The following DCP2 variants were observed in gnomAD, a reference collection of about 807,000 sequenced individuals.
DCP2 encodes decapping mRNA 2, also known as m7GpppN-mRNA hydrolase.
DCP2 carries 30 observed loss-of-function variants against 56.1 expected under a neutral mutation model. That is an observed-to-expected ratio of 0.53 (90% CI 0.40 to 0.73). DCP2 has a LOEUF of 0.73. Among genes scored for constraint, DCP2 ranks in the 30% least tolerant of loss-of-function variants. DCP2 has a pLI of 0.00. For synonymous variants in DCP2, 197 were observed against 163.3 expected (o/e 1.21, Z -1.57); for missense variants, 533 against 502.7 (o/e 1.06, Z -0.58).
chr5:113,013,399 G>C lies in DCP2; in HGVS notation c.1178G>C (p.Gly393Ala). Residue 393 changes from glycine (G) to alanine (A), a missense_variant, in exon 11 of 11, where the codon GGA becomes GCA. Transcript: ENST00000389063. ...HAEGQPVACN[G>A]HCKFPFSSRA... is the part of the protein sequence containing the mutation. Reference sequence around the variant, plus strand: ...GAGGGACAGCCCGTGGCATGTAATGGACATTGCAAGTTCCCCTTTTCATCC... The same window carrying C: ...GAGGGACAGCCCGTGGCATGTAATGCACATTGCAAGTTCCCCTTTTCATCC... 1 of 1,614,146 alleles carries C rather than the reference G, an allele frequency of 6.2e-7. No individual in the cohort carries two copies.
chr5:113,011,942 C>T (rs1348035682), intron 10 of DCP2, among the ~76,000 whole-genome samples: 1 of 152,154 alleles, frequency 6.6e-6, no homozygotes, highest in East Asian at 1.9e-4. Context: ...GTTTTCCCAG[C>T]ACCATTTATT....
Position 113,015,825 on chromosome 5 carries a change from G to A in DCP2, c.*2341G>A, listed in dbSNP as rs1749862996. 6.6e-6 allele frequency: 1 copy of A among 152,602 alleles called. No individual in the cohort carries two copies. Among genetic ancestry groups the A allele is most frequent in the Admixed American group, 6.5e-5 (1 of 15,290 alleles). 9.5% of individuals were successfully genotyped at this position (152,602 alleles called of 1,614,324 possible). The stretch of plus-strand genomic sequence containing the variant: ...CAGTGTTCAGGTTACCTTGAGAAAG[G>A]CCATGCTTAGCGAACTGGATTTCTC... On this transcript the variant is annotated 3_prime_UTR_variant, in exon 11 of 11. Transcript: ENST00000389063.
At chr5:113,000,587 A>C (rs1749131298) in intron 4 of DCP2, among the ~76,000 whole-genome samples, 1 of 152,194 alleles carries the variant, frequency 6.6e-6, no homozygotes, top group South Asian at 2.1e-4. Context: ...AACATTATTA[A>C]GCTCTATCTC....
intron 8 of DCP2, among the ~76,000 whole-genome samples, chr5:113,007,154 GTTATT>G (rs1347528398): frequency 6.6e-6 from 1 of 151,848 alleles, no homozygotes; most frequent in Non-Finnish European, 1.5e-5. Context: ...AGTAATCTTT[GTTATT>G]TTGTAAAAAT....
intron 1 of DCP2, among the ~76,000 whole-genome samples, chr5:112,983,549 T>C (rs1297152143): frequency 6.6e-6 from 1 of 152,160 alleles, no homozygotes; most frequent in East Asian, 1.9e-4. Flanking sequence ...CACAGTAGGA[T>C]TGACTTACGA....
chr5:112,985,486 A>G (rs1383067594), intron 1 of DCP2, among the ~76,000 whole-genome samples: 4 of 152,226 alleles, frequency 2.6e-5, no homozygotes, highest in Admixed American at 2.6e-4. Context: ...TTAAAATTGT[A>G]TGAATATATT....
At chr5:112,999,570 C>G (rs1334831932) in intron 4 of DCP2, among the ~76,000 whole-genome samples, 1 of 151,532 alleles carries the variant, frequency 6.6e-6, no homozygotes. Flanking sequence ...TGGTGATTAG[C>G]CTGCCTTGGC....
chr5:112,986,254 T>A (rs1363352649), intron 2 of DCP2, among the ~76,000 whole-genome samples: 1 of 152,180 alleles, frequency 6.6e-6, no homozygotes, highest in East Asian at 1.9e-4. Flanking sequence ...GCTAGCCTGT[T>A]TGTACAACTT....
chr5:112,994,176 T>C (rs886350099), intron 4 of DCP2, among the ~76,000 whole-genome samples: 1 of 145,584 alleles, frequency 6.9e-6, no homozygotes, highest in African/African-American at 2.5e-5. Context: ...TTTTTTTTTT[T>C]TTTTTTTTTT....
chr5:113,002,454 G>GTATTATCTC (rs975858317), intron 7 of DCP2, among the ~76,000 whole-genome samples: 7 of 151,664 alleles, frequency 4.6e-5, no homozygotes, highest in African/African-American at 1.7e-4. Context: ...GTCAGAGATT[G>GTATTATCTC]TGTATTATCA....
At chr5:112,999,620 C>T (rs1224271366) in intron 4 of DCP2, among the ~76,000 whole-genome samples, 1 of 150,802 alleles carries the variant, frequency 6.6e-6, no homozygotes, top group African/African-American at 2.5e-5. Flanking sequence ...AGCCATCGCA[C>T]CCAGCCTTTT....
In DCP2 at chr5:112,992,253, G is replaced by A. The variant is rs752569319; in HGVS notation, c.333+5G>A. The A allele has an allele frequency of 6.2e-7, 1 of 1,606,432 alleles. No individual in the cohort carries two copies. Among genetic ancestry groups the A allele is most frequent in the Non-Finnish European group, 8.5e-7 (1 of 1,177,642 alleles). On this transcript the variant is annotated splice_donor_5th_base_variant and intron_variant, in intron 3 of 10. Transcript: ENST00000389063. Reference sequence around the variant, plus strand: ...CTTGATGAGACACTTGAAAATGTGAGTGTAATGAAATAAAGATTTTTAGTG... The same window carrying A: ...CTTGATGAGACACTTGAAAATGTGAATGTAATGAAATAAAGATTTTTAGTG...
chr5:112,985,855 C>A lies in DCP2; in HGVS notation c.74C>A (p.Pro25His). Residue 25 changes from proline (P) to histidine (H), a missense_variant, in exon 2 of 11, where the codon CCC becomes CAC. Around this residue, in one of 3 missense-constraint regions of DCP2, gnomAD observed 137 missense variants for 138.2 expected, o/e 0.99. Transcript: ENST00000389063. ...GACAGCCGATTTATTTTGCATATTC[C>A]CAGCGAGGAAAGAGACAATGCAATC... is the stretch of plus-strand genomic sequence containing the variant. The part of the protein sequence containing the change: ...DLCSRFILHI[P>H]SEERDNAIRV... The A allele has an allele frequency of 6.2e-7, 1 of 1,603,986 alleles. No individual in the cohort carries two copies. Among genetic ancestry groups the A allele is most frequent in the Non-Finnish European group, 8.5e-7 (1 of 1,171,908 alleles).
intron 7 of DCP2, among the ~76,000 whole-genome samples, chr5:113,003,220 T>G (rs548964992): frequency 3.3e-4 from 50 of 152,280 alleles, no homozygotes; most frequent in South Asian, 1.2e-3. Context: ...GTGCTGGGAG[T>G]ATAGGTGTGA....
Position 113,001,318 on chromosome 5 carries a change from A to C in DCP2, c.586-39A>C, listed in dbSNP as rs769653680. On this transcript the variant is annotated intron_variant, in intron 5 of 10. Transcript: ENST00000389063. ...GAAATCCTTTTATAAGCTCCTTGAT[A>C]AAAATTAACTAAATGAATTATTTTC... 4 of 1,598,064 alleles carry C rather than the reference A, an allele frequency of 2.5e-6. No individual in the cohort carries two copies. The Admixed American group carries it at 7.0e-5, about 28-fold the overall frequency.
rs1163400699 is a variant in DCP2 at position 112,985,856 on chromosome 5, C to T, written c.75C>T (p.Pro25=). The change falls in exon 2 of 11, where the codon CCC becomes CCT. Residue 25 remains proline, a synonymous_variant. Coordinates refer to ENST00000389063, the MANE Select transcript of DCP2 (RefSeq NM_152624.6). ...DLCSRFILHI[P]SEERDNAIRV... is the part of the protein sequence containing the mutation. The stretch of plus-strand genomic sequence containing the variant: ...ACAGCCGATTTATTTTGCATATTCC[C>T]AGCGAGGAAAGAGACAATGCAATCC... The T allele has an allele frequency of 1.2e-6, 2 of 1,605,388 alleles. No individual in the cohort carries two copies. The highest frequency in any genetic ancestry group is 2.2e-5 in the East Asian group (1 of 44,668).
intron 9 of DCP2, among the ~76,000 whole-genome samples, chr5:113,010,453 G>C (rs955996899): frequency 2.6e-5 from 4 of 152,010 alleles, no homozygotes; most frequent in African/African-American, 9.7e-5. Context: ...TGATCCGTTT[G>C]CTTCAGCCTC....
At chr5:112,999,580 C>A (rs1749035908) in intron 4 of DCP2, among the ~76,000 whole-genome samples, 1 of 151,272 alleles carries the variant, frequency 6.6e-6, no homozygotes, top group African/African-American at 2.4e-5. Context: ...CCTGCCTTGG[C>A]CTCCCCTTAG....
In DCP2 at chr5:112,984,703, A is replaced by ATATATATATATATATATATAT. The variant is rs1554098980; in HGVS notation, c.54-1132_54-1131insTATATATATATATATATATAT. On this transcript the variant is annotated intron_variant, in intron 1 of 10. Transcript: ENST00000389063. ...TTCTTAATTAAAAAAAAAAAAAAAA[A>ATATATATATATATATATATAT]ATATATATATATATATATATATTTG... The ATATATATATATATATATATAT allele has an allele frequency of 2.5e-3, 165 of 64,766 alleles. 2 individuals carry two copies. Among genetic ancestry groups the ATATATATATATATATATATAT allele is most frequent in the Middle Eastern group, 8.8e-3 (1 of 114 alleles). The allele number at this position is 64,766 out of a possible 1,614,324, so 4.0% of individuals were successfully genotyped here. A position where few individuals can be genotyped will look rare whatever the true frequency, so the allele number is the denominator to read the frequency against.
Sources: gnomAD v4.1 joint callset for allele counts (sites outside exome capture counted in the v4.1 genomes callset) on GRCh38, gnomAD v4.1.1 for gene constraint, gnomAD v4.1.1 regional missense constraint, MANE v1.5 for transcripts, NCBI Gene and HGNC (gene_info 2026-07-23, HGNC 2026-07-21) for gene names.